CCDC92: variants seen among roughly 807,000 people sequenced by gnomAD.
The protein encoded by CCDC92 is coiled-coil domain-containing protein 92.
A neutral mutation model predicts 24.9 loss-of-function variants in CCDC92; 12 were observed. The observed-to-expected ratio is 0.48, with a 90% CI of 0.31 to 0.78. The LOEUF is 0.78. Ranked by LOEUF, CCDC92 falls within the 30% of genes least tolerant of loss-of-function variation. The probability of loss-of-function intolerance (pLI) is 0.05; values close to 1 mark genes in which losing one functional copy is unlikely to be tolerated. For missense variants in CCDC92, 399 were observed against 439.4 expected, an observed-to-expected ratio of 0.91 and a Z score of 0.82; for synonymous variants, 193 against 196.3, an observed-to-expected ratio of 0.98 and a Z score of 0.14.
chr12:123,942,620 G>A, intron 4 of CCDC92, 124 bp downstream of exon 4: 5 of 780,210 alleles, frequency 6.4e-6, no homozygotes, highest in Non-Finnish European at 9.2e-6. Context: ...AGAGAGCTCA[G>A]GCCACACGCA....
At chr12:123,963,604 C>T (rs1010146752) in intron 1 of CCDC92, among the ~76,000 whole-genome samples, 1 of 152,192 alleles carries the variant, frequency 6.6e-6, no homozygotes, top group Non-Finnish European at 1.5e-5. Context: ...AATTTTCTTC[C>T]TGTTTCTTGA....
intron 1 of CCDC92, among the ~76,000 whole-genome samples, chr12:123,958,460 C>A (rs754429198): frequency 2.6e-5 from 4 of 152,254 alleles, no homozygotes; most frequent in Non-Finnish European, 4.4e-5. Flanking sequence ...CCAAAGGCTG[C>A]CACCTCCTCT....
intron 1 of CCDC92, chr12:123,965,999 G>A (rs1406179627): frequency 6.6e-6 from 1 of 152,200 alleles, no homozygotes; most frequent in African/African-American, 2.4e-5. Flanking sequence ...GAAAAAATGG[G>A]TTTTCATGTG....
chr12:123,960,320 GA>G (rs1195634917), intron 1 of CCDC92, among the ~76,000 whole-genome samples: 1 of 152,104 alleles, frequency 6.6e-6, no homozygotes, highest in East Asian at 1.9e-4. Flanking sequence ...AGAGGGCTTG[GA>G]AAAATGTCTC....
chr12:123,939,218 C>T (rs1379338683), intron 4 of CCDC92, among the ~76,000 whole-genome samples: 1 of 152,224 alleles, frequency 6.6e-6, no homozygotes, highest in Non-Finnish European at 1.5e-5. Flanking sequence ...CACCCAGGGC[C>T]TGCCTAGGCA....
At chr12:123,952,722 A>G (rs1956057052) in intron 1 of CCDC92, among the ~76,000 whole-genome samples, 1 of 152,282 alleles carries the variant, frequency 6.6e-6, no homozygotes, top group South Asian at 2.1e-4. Context: ...AGGAAAGGTA[A>G]GTACTCAACA....
chr12:123,969,259 T>C (rs1006630535), intron 1 of CCDC92, among the ~76,000 whole-genome samples: 11 of 152,310 alleles, frequency 7.2e-5, no homozygotes, highest in South Asian at 4.1e-4. Context: ...GTAATTCTAC[T>C]TCTTGGCTTT....
In CCDC92 at chr12:123,937,878, G is replaced by A; in HGVS notation, c.224-48C>T. The A allele has an allele frequency of 6.4e-7, 1 of 1,550,402 alleles. No individual in the cohort carries two copies. The highest frequency in any genetic ancestry group is 1.2e-5 in the South Asian group (1 of 81,440). ...CAGGTGAAGAACTCATTAGACTGAG[G>A]CCGAGTGGTGAGGCCTATGGGGCAG... is the stretch of plus-strand genomic sequence containing the variant. On this transcript the variant is annotated intron_variant, in intron 4 of 4. Coordinates refer to ENST00000238156, the MANE Select transcript of CCDC92 (RefSeq NM_025140.3). The surrounding 1 kb of genome is among the most constrained non-coding windows in gnomAD (Gnocchi z 8.4).
chr12:123,964,719 A>C (rs1956351298), intron 1 of CCDC92, among the ~76,000 whole-genome samples: 1 of 152,222 alleles, frequency 6.6e-6, no homozygotes, highest in African/African-American at 2.4e-5. Flanking sequence ...TGAGTATACA[A>C]ATTACAGGGA....
chr12:123,942,603 T>A (rs1955718621), intron 4 of CCDC92, 141 bp downstream of exon 4: 1 of 714,648 alleles, frequency 1.4e-6, no homozygotes, highest in African/African-American at 1.8e-5. Flanking sequence ...CCTTCTCATC[T>A]TCTCTTAGAG....
intron 1 of CCDC92, among the ~76,000 whole-genome samples, chr12:123,958,073 GA>G (rs1294957841): frequency 6.7e-6 from 1 of 150,072 alleles, no homozygotes; most frequent in Admixed American, 6.6e-5. Context: ...TTATTTTAGA[GA>G]CAGAGTTTCA....
At chr12:123,969,055 G>A (rs962646946) in intron 1 of CCDC92, among the ~76,000 whole-genome samples, 2 of 152,168 alleles carry the variant, frequency 1.3e-5, no homozygotes, top group African/African-American at 2.4e-5. Context: ...ACAGACTGGA[G>A]TCCCCACCTC....
intron 1 of CCDC92, among the ~76,000 whole-genome samples, chr12:123,955,499 T>C (rs1447758316): frequency 6.6e-6 from 1 of 152,242 alleles, no homozygotes; most frequent in African/African-American, 2.4e-5. Context: ...TCCCTTGCTT[T>C]AAAAATCTCA....
intron 1 of CCDC92, among the ~76,000 whole-genome samples, chr12:123,962,990 A>T (rs547647962): frequency 1.4e-4 from 22 of 152,304 alleles, no homozygotes; most frequent in African/African-American, 4.8e-4. Flanking sequence ...ATCAAGTTGG[A>T]GCAGTGGTTC....
intron 2 of CCDC92, 75 bp downstream of exon 2, chr12:123,944,197 G>A: frequency 3.2e-6 from 3 of 924,724 alleles, no homozygotes; most frequent in Non-Finnish European, 5.4e-6. Context: ...GGTGTCTGGA[G>A]TCTGTCCCCA....
At chr12:123,960,005 A>G (rs80334313) in intron 1 of CCDC92, among the ~76,000 whole-genome samples, 3,572 of 152,192 alleles carry the variant, frequency 0.023, 69 homozygotes, top group Middle Eastern at 0.061. Context: ...TAATTTAACA[A>G]TTTTTTTCAA....
At chr12:123,953,047 T>A (rs1158095969) in intron 1 of CCDC92, among the ~76,000 whole-genome samples, 1 of 151,942 alleles carries the variant, frequency 6.6e-6, no homozygotes, top group Non-Finnish European at 1.5e-5. Flanking sequence ...TAAAATGAGA[T>A]TTTTTGTATA....
intron 1 of CCDC92, among the ~76,000 whole-genome samples, chr12:123,962,156 T>TG (rs1386795620): frequency 4.6e-5 from 7 of 151,344 alleles, no homozygotes; most frequent in Admixed American, 4.6e-4. Flanking sequence ...CTGCTGCTTG[T>TG]GGAAAAAAAA....
intron 1 of CCDC92, among the ~76,000 whole-genome samples, chr12:123,950,093 T>C (rs1594475429): frequency 6.6e-6 from 1 of 152,208 alleles, no homozygotes; most frequent in Non-Finnish European, 1.5e-5. Context: ...AGAGAGAACA[T>C]AAACCAATAA....
Sources: gnomAD v4.1 joint callset for allele counts (sites outside exome capture counted in the v4.1 genomes callset) on GRCh38, gnomAD v4.1.1 for gene constraint, Gnocchi (gnomAD v3.1) non-coding constraint, MANE v1.5 for transcripts, NCBI Gene and HGNC (gene_info 2026-07-23, HGNC 2026-07-21) for gene names.